EXT2: variants seen among roughly 807,000 people sequenced by gnomAD.
The protein encoded by EXT2 is exostosin glycosyltransferase 2, also known as exostosin-2.
A neutral mutation model predicts 81.6 loss-of-function variants in EXT2; 53 were observed. The observed-to-expected ratio is 0.65, with a 90% confidence interval of 0.52 to 0.82. EXT2 has a LOEUF of 0.82. Among genes scored for constraint, EXT2 ranks in the 40% least tolerant of loss-of-function variants. EXT2 has a pLI of 0.00. For missense variants in EXT2, 774 were observed against 910.2 expected (o/e 0.85, Z 1.93); for synonymous variants, 320 against 340.0 (o/e 0.94, Z 0.65).
At chr11:44,235,225 C>CTTTTTTTTTTTTTT (rs35214626) in intron 12 of EXT2, among the ~76,000 whole-genome samples, 5 of 50,770 alleles carry the variant, frequency 9.8e-5, no homozygotes, top group Non-Finnish European at 1.6e-4. Flanking sequence ...CCCAAATTTG[C>CTTTTTTTTTTTTTT]TTTTTTTTTT....
intron 4 of EXT2, chr11:44,116,778 T>C (rs1379644667): frequency 6.6e-6 from 1 of 152,246 alleles, no homozygotes; most frequent in African/African-American, 2.4e-5. Flanking sequence ...GAGTATCTTT[T>C]CATGTGCTTA....
chr11:44,101,776 G>C (rs1253629104), intron 1 of EXT2, among the ~76,000 whole-genome samples: 1 of 152,106 alleles, frequency 6.6e-6, no homozygotes, highest in Non-Finnish European at 1.5e-5. Context: ...AGATAGTGGA[G>C]GCCAGTTGGT....
intron 10 of EXT2, among the ~76,000 whole-genome samples, chr11:44,226,241 T>C (rs991084576): frequency 6.6e-6 from 1 of 152,180 alleles, no homozygotes; most frequent in African/African-American, 2.4e-5. Context: ...GCCCATGTAA[T>C]TGGTTTTCCT....
At chr11:44,150,418 A>G (rs1954777418) in intron 7 of EXT2, among the ~76,000 whole-genome samples, 1 of 152,228 alleles carries the variant, frequency 6.6e-6, no homozygotes, top group South Asian at 2.1e-4. Context: ...TATTTTTAGA[A>G]GGATGGAAAT....
chr11:44,226,998 A>G (rs963752696), intron 10 of EXT2, among the ~76,000 whole-genome samples: 4 of 152,208 alleles, frequency 2.6e-5, no homozygotes, highest in African/African-American at 9.6e-5. Context: ...ATGAGTCCTG[A>G]TACATTGCTC....
chr11:44,221,169 G>A lies in EXT2; in HGVS notation c.1663-11184G>A, dbSNP rs563177839. Reference sequence around the variant, plus strand: ...GCCCATCTGAGGGTCTCTCCTCCTCGAAGACCCCCATTCCAAATAAGCCCA... The same window carrying A: ...GCCCATCTGAGGGTCTCTCCTCCTCAAAGACCCCCATTCCAAATAAGCCCA... On this transcript the variant is annotated intron_variant, in intron 10 of 13. Coordinates refer to ENST00000533608, the MANE Select transcript of EXT2 (RefSeq NM_207122.2). Among the ~76,000 whole-genome samples the A allele has an allele frequency of 3.9e-4, 60 of 152,174 alleles. 1 individual carries two copies. In the South Asian group the frequency reaches 0.01, roughly 26 times the overall value.
intron 7 of EXT2, among the ~76,000 whole-genome samples, chr11:44,148,215 T>A (rs986515460): frequency 2.6e-5 from 4 of 152,230 alleles, no homozygotes; most frequent in Non-Finnish European, 4.4e-5. Flanking sequence ...CTATGTTACC[T>A]AGACAACTAC....
chr11:44,210,752 C>T (rs535565610), intron 10 of EXT2, among the ~76,000 whole-genome samples: 1 of 152,234 alleles, frequency 6.6e-6, no homozygotes, highest in African/African-American at 2.4e-5. Flanking sequence ...AAAAATACAA[C>T]AAAATGTGTG....
At chr11:44,228,024 C>T (rs1869482) in intron 10 of EXT2, among the ~76,000 whole-genome samples, 137,289 of 152,260 alleles carry the variant, frequency 0.9, 61,979 homozygotes, top group East Asian at 0.99. Context: ...AGTTGGAGGA[C>T]GTTCTTACAT....
intron 13 of EXT2, among the ~76,000 whole-genome samples, chr11:44,243,748 C>G (rs1274335374): frequency 6.7e-6 from 1 of 148,528 alleles, no homozygotes; most frequent in Non-Finnish European, 1.5e-5. Flanking sequence ...TTTGCCTTCT[C>G]TTAGCTGGCA....
chr11:44,109,967 C>A (rs951089086), intron 3 of EXT2, among the ~76,000 whole-genome samples: 1 of 152,116 alleles, frequency 6.6e-6, no homozygotes, highest in Non-Finnish European at 1.5e-5. Context: ...ACTTAAGGGA[C>A]CTCTCTTAGT....
chr11:44,167,429 A>T (rs1271914514), intron 7 of EXT2, among the ~76,000 whole-genome samples: 1 of 152,176 alleles, frequency 6.6e-6, no homozygotes, highest in Non-Finnish European at 1.5e-5. Context: ...TGGCAAATAC[A>T]AATAACCCAG....
intron 4 of EXT2, among the ~76,000 whole-genome samples, chr11:44,115,027 G>C (rs1207571055): frequency 2.0e-5 from 3 of 152,146 alleles, no homozygotes; most frequent in Admixed American, 6.5e-5. Context: ...TCTGGGATGG[G>C]GTGGAGGGGG....
rs549810739 is a variant in EXT2, at chr11:44,124,951, G to C, written c.906G>C (p.Lys302Asn). Residue 302 changes from lysine (K) to asparagine (N), a missense_variant, in exon 5 of 14, where the codon AAG becomes AAC. By Grantham distance (94) the Lys-to-Asn change is moderately conservative. This residue lies in a region of EXT2 where 626 missense variants were observed against 670.5 expected (regional missense o/e 0.93). Transcript: ENST00000533608. ...TTTCTGTCCGTAAGCGCTGCCACAA[G>C]CACCAGGTCTTCGATTACCCACAGG... Reference protein sequence around the residue: ...GVLSVRKRCHKHQVFDYPQVL... With the variant: ...GVLSVRKRCHNHQVFDYPQVL... The C allele has an allele frequency of 4.3e-6, 7 of 1,613,558 alleles. No individual in the cohort carries two copies. In the African/African-American group the frequency reaches 5.3e-5, roughly 12 times the overall value.
At chr11:44,161,277 C>T (rs560005854) in intron 7 of EXT2, among the ~76,000 whole-genome samples, 2 of 152,038 alleles carry the variant, frequency 1.3e-5, no homozygotes, top group Admixed American at 1.3e-4. Flanking sequence ...TATTTTTCTC[C>T]AGCCACAAAT....
chr11:44,130,612 A>G (rs1011194219), intron 7 of EXT2, among the ~76,000 whole-genome samples: 3 of 152,004 alleles, frequency 2.0e-5, no homozygotes, highest in African/African-American at 4.8e-5. Flanking sequence ...TCTCTTTCCA[A>G]ATTTCTCTTC....
Position 44,185,958 on chromosome 11 carries a change from A to C in EXT2, c.1306-11871A>C, listed in dbSNP as rs565036933. Among the ~76,000 whole-genome samples the C allele has an allele frequency of 4.4e-4, 67 of 152,330 alleles. 1 individual carries two copies. The highest frequency in any genetic ancestry group is 1.5e-3 in the African/African-American group (64 of 41,576). On this transcript the variant is annotated intron_variant, in intron 8 of 13. Transcript: ENST00000533608. ...GTAAATTTGTTTTACCTCTCATAAG[A>C]TGTAGTAGTATAAGCCATCATGAAC...
intron 13 of EXT2, among the ~76,000 whole-genome samples, 199 bp from the exon 14 acceptor site, chr11:44,243,950 C>T (rs1956067929): frequency 6.6e-6 from 1 of 152,152 alleles, no homozygotes; most frequent in Non-Finnish European, 1.5e-5. Flanking sequence ...CCCCAGTTCA[C>T]CGCTTTTTTC....
At position 44,107,680 on chromosome 11, in the gene EXT2, C is replaced by G. The variant is rs746592035; in HGVS notation, c.-30-3C>G. 1.9e-6 allele frequency: 3 copies of G among 1,605,200 alleles called. No individual in the cohort carries two copies. Among genetic ancestry groups the G allele is most frequent in the South Asian group, 1.1e-5 (1 of 90,614 alleles). The stretch of plus-strand genomic sequence containing the variant: ...TTTTCTTATTTCTCTCCCTGGTGAC[C>G]AGGAGTGTGAGGAAGAGGCTGTCTG... On this transcript the variant is annotated splice_polypyrimidine_tract_variant and splice_region_variant and intron_variant, in intron 1 of 13. Coordinates refer to ENST00000533608, the MANE Select transcript of EXT2 (RefSeq NM_207122.2).
Sources: gnomAD v4.1 joint callset for allele counts (sites outside exome capture counted in the v4.1 genomes callset) on GRCh38, gnomAD v4.1.1 for gene constraint, gnomAD v4.1.1 regional missense constraint, MANE v1.5 for transcripts, NCBI Gene and HGNC (gene_info 2026-07-23, HGNC 2026-07-21) for gene names.